LRSAM1: variants seen among roughly 807,000 people sequenced by gnomAD.
LRSAM1 encodes leucine rich repeat and sterile alpha motif containing 1.
A neutral mutation model predicts 118.1 loss-of-function variants in LRSAM1; 96 were observed. That is an observed-to-expected ratio of 0.81 (90% CI 0.69 to 0.96). The LOEUF (loss-of-function observed/expected upper bound fraction) is 0.96, where lower values mean the gene tolerates loss of function less well. LRSAM1 is among the 40% of genes least tolerant of loss of function. LRSAM1 has a pLI of 0.00. For synonymous variants in LRSAM1, 322 were observed against 364.2 expected, an observed-to-expected ratio of 0.88 and a Z score of 1.32; for missense variants, 804 against 915.5, an observed-to-expected ratio of 0.88 and a Z score of 1.57.
rs981736028 is a variant in LRSAM1, at chr9:127,475,305, A to G, written c.750+1374A>G. On this transcript the variant is annotated intron_variant, in intron 11 of 25. Transcript: ENST00000300417. ...CAGGAGTTTGAGACCAGCTTGGCCAACGTAGTAAAACCCTGTCTCTACTGA... is the reference window on the plus strand; with the variant it reads ...CAGGAGTTTGAGACCAGCTTGGCCAGCGTAGTAAAACCCTGTCTCTACTGA... 2.4e-4 allele frequency among the ~76,000 whole-genome samples: 37 copies of G among 152,232 alleles called. 1 individual carries two copies. The highest frequency in any genetic ancestry group is 1.8e-3 in the Admixed American group (28 of 15,268).
chr9:127,464,716 T>C (rs1834868497), intron 9 of LRSAM1, among the ~76,000 whole-genome samples: 1 of 151,616 alleles, frequency 6.6e-6, no homozygotes, highest in Non-Finnish European at 1.5e-5. Flanking sequence ...CAATCATAGC[T>C]CACTGCAGCC....
rs768288133 is a variant in LRSAM1, at chr9:127,496,109, G to A, written c.1830+14G>A. Reference sequence around the variant, plus strand: ...GACCTGGCCAAGGTGGGCAGCAGCCGTCTGCATGGAGGGGAGGGGCACGCA... The same window carrying A: ...GACCTGGCCAAGGTGGGCAGCAGCCATCTGCATGGAGGGGAGGGGCACGCA... On this transcript the variant is annotated intron_variant, in intron 23 of 25. Transcript: ENST00000300417. The A allele has an allele frequency of 2.0e-4, 319 of 1,606,606 alleles. No homozygotes were observed. Among genetic ancestry groups the A allele is most frequent in the Non-Finnish European group, 2.6e-4 (303 of 1,179,962 alleles).
chr9:127,487,305 G>C (rs1187730405), intron 17 of LRSAM1, among the ~76,000 whole-genome samples: 3 of 152,160 alleles, frequency 2.0e-5, no homozygotes, highest in African/African-American at 7.2e-5. Flanking sequence ...GTGCCGGGAA[G>C]GACAGCTTTG....
chr9:127,487,073 A>G (rs900163608), intron 17 of LRSAM1, among the ~76,000 whole-genome samples: 2 of 151,504 alleles, frequency 1.3e-5, no homozygotes, highest in Non-Finnish European at 2.9e-5. Context: ...AATCCCAGCT[A>G]CTTGGGAGAC....
chr9:127,483,021 G>C lies in LRSAM1; in HGVS notation c.1159+1G>C. 1 of 1,605,644 alleles carries C rather than the reference G, an allele frequency of 6.2e-7. No homozygotes were observed. Among genetic ancestry groups the C allele is most frequent in the Non-Finnish European group, 8.5e-7 (1 of 1,176,166 alleles). The stretch of plus-strand genomic sequence containing the variant: ...AGCCTGCGGCGACGTGACGTTGCCT[G>C]TGAGTTTTGGGATGGGGAGCTTGTG... On this transcript the variant is annotated splice_donor_variant, in intron 16 of 25. Transcript: ENST00000300417. LOFTEE classifies it high-confidence loss of function.
At position 127,485,848 on chromosome 9, in the gene LRSAM1, A is replaced by T; in HGVS notation, c.1259+13A>T. ...AGGCCTGTTCCAGGTAAGGTAAGGAAGAGGAGTCCCAGGTGAGGGAGCTGG... is the reference window on the plus strand; with the variant it reads ...AGGCCTGTTCCAGGTAAGGTAAGGATGAGGAGTCCCAGGTGAGGGAGCTGG... On this transcript the variant is annotated intron_variant, in intron 17 of 25. Coordinates refer to ENST00000300417, the MANE Select transcript of LRSAM1 (RefSeq NM_001005373.4). 6.2e-7 allele frequency: 1 copy of T among 1,613,580 alleles called. No individual in the cohort carries two copies. The highest frequency in any genetic ancestry group is 8.5e-7 in the Non-Finnish European group (1 of 1,179,596).
rs1235938569 is a variant in LRSAM1 at position 127,455,619 on chromosome 9, A to C, written c.173A>C (p.Lys58Thr). 1 of 1,613,716 alleles carries C rather than the reference A, an allele frequency of 6.2e-7. No homozygotes were observed. Among genetic ancestry groups the C allele is most frequent in the Admixed American group, 1.7e-5 (1 of 60,016 alleles). ...AFATCKVLQK[K>T]VLIVHTNHLT... The stretch of plus-strand genomic sequence containing the variant: ...GCAACATGCAAAGTTCTGCAGAAGA[A>C]GGTAAGATGGAGCTTCATCTTCAGA... The change falls in exon 5 of 26, where the codon AAG (lysine) becomes ACG (threonine). Residue 58 changes from lysine (K) to threonine (T), a missense_variant and splice_region_variant. By Grantham distance (78) the Lys-to-Thr change is moderately conservative (BLOSUM62 -1). Transcript: ENST00000300417.
At chr9:127,462,463 C>G in intron 9 of LRSAM1, 90 bp downstream of exon 9, 1 of 1,592,952 alleles carries the variant, frequency 6.3e-7, no homozygotes, top group African/African-American at 1.3e-5. Context: ...TCTGATCTCA[C>G]GGTACCAGGG....
At chr9:127,458,834 G>C (rs1299766734) in intron 6 of LRSAM1, among the ~76,000 whole-genome samples, 169 bp from the exon 7 acceptor site, 5 of 152,196 alleles carry the variant, frequency 3.3e-5, no homozygotes, top group African/African-American at 1.2e-4. Flanking sequence ...ATAATGGTTT[G>C]AGAAGGAAAA....
In LRSAM1 at chr9:127,502,777, C is replaced by G. The variant is rs879254056; in HGVS notation, c.2050C>G (p.Gln684Glu). Residue 684 changes from glutamine to glutamate, a missense_variant, in exon 26 of 26, where the codon CAG becomes GAG. Coordinates refer to ENST00000300417, the MANE Select transcript of LRSAM1 (RefSeq NM_001005373.4). ...ECVVCLEREA[Q>E]MIFLNCGHVC... ...TGCTCCCGCTCTCCCTCCCCAGGCC[C>G]AGATGATCTTCCTCAACTGTGGCCA... is the stretch of plus-strand genomic sequence containing the variant. The G allele has an allele frequency of 6.2e-7, 1 of 1,612,958 alleles. No individual in the cohort carries two copies. Among genetic ancestry groups the G allele is most frequent in the East Asian group, 2.2e-5 (1 of 44,874 alleles).
rs1479111536 is a variant in LRSAM1 at position 127,502,890 on chromosome 9, C to T, written c.2163C>T (p.His721=). The change falls in exon 26 of 26, where the codon CAC becomes CAT. Residue 721 remains histidine, a synonymous_variant. Coordinates refer to ENST00000300417, the MANE Select transcript of LRSAM1 (RefSeq NM_001005373.4). ...QDIAQRLRIY[H]SS is the part of the protein sequence containing the mutation. The stretch of plus-strand genomic sequence containing the variant: ...TCGCCCAGCGCCTCCGCATCTACCA[C>T]AGCAGCTGAGTGCTGCCCGCCCACC... 3.7e-6 allele frequency: 6 copies of T among 1,601,396 alleles called. No homozygotes were observed. In the South Asian group the frequency reaches 6.7e-5, roughly 18 times the overall value.
chr9:127,466,269 A>G (rs1588105344), intron 9 of LRSAM1, among the ~76,000 whole-genome samples: 1 of 151,904 alleles, frequency 6.6e-6, no homozygotes, highest in Non-Finnish European at 1.5e-5. Flanking sequence ...AGATCACACC[A>G]CTGCACTCCA....
At chr9:127,466,919 C>A (rs1468183104) in intron 9 of LRSAM1, among the ~76,000 whole-genome samples, 2 of 152,056 alleles carry the variant, frequency 1.3e-5, no homozygotes, top group East Asian at 3.9e-4. Flanking sequence ...GGGAGGATTG[C>A]TTAAACCTGG....
Position 127,454,594 on chromosome 9 carries a change from T to C in LRSAM1, c.67T>C (p.Cys23Arg), listed in dbSNP as rs774936278. ...EARKRLEYQM[C>R]LAKEAGADDI... ...TCGGAAACGCCTGGAGTACCAGATG[T>C]GTTTGGTGAGGGAAAGTGGGTTTCC... Residue 23 changes from cysteine to arginine, a missense_variant, in exon 3 of 26, where the codon TGT becomes CGT. By Grantham distance (180) the Cys-to-Arg change is radical. Transcript: ENST00000300417. 1.2e-6 allele frequency: 2 copies of C among 1,613,846 alleles called. No homozygotes were observed. Among genetic ancestry groups the C allele is most frequent in the Non-Finnish European group, 1.7e-6 (2 of 1,179,930 alleles).
chr9:127,500,718 G>C (rs1836352700), intron 24 of LRSAM1, among the ~76,000 whole-genome samples: 1 of 152,224 alleles, frequency 6.6e-6, no homozygotes, highest in Admixed American at 6.5e-5. Flanking sequence ...CTACTTGCAG[G>C]GTGGCTATGA....
At position 127,496,054 on chromosome 9, in the gene LRSAM1, C is replaced by G; in HGVS notation, c.1789C>G (p.Leu597Val). 1 of 1,612,146 alleles carries G rather than the reference C, an allele frequency of 6.2e-7. No homozygotes were observed. Residue 597 changes from leucine (L) to valine (V), a missense_variant, in exon 23 of 26, where the codon CTG becomes GTG. Transcript: ENST00000300417. ...CATCTTTGCGCACCACCGCCTCTCA[C>G]TGGACCTGCTGAGCCAAATGAGCCC... ...LPIFAHHRLS[L>V]DLLSQMSPGD...
At chr9:127,479,092 C>A in intron 12 of LRSAM1, 129 bp downstream of exon 12, 2 of 1,005,230 alleles carry the variant, frequency 2.0e-6, no homozygotes, top group Non-Finnish European at 2.9e-6. Flanking sequence ...CTTCCTCTTA[C>A]ACGCAGTCTG....
intron 4 of LRSAM1, 141 bp downstream of exon 4, chr9:127,455,195 C>T (rs1834470944): frequency 1.1e-6 from 1 of 922,724 alleles, no homozygotes; most frequent in African/African-American, 1.6e-5. Flanking sequence ...AGATTTTGTT[C>T]TCGTCCAAAA....
chr9:127,454,391 T>C (rs958269450), intron 2 of LRSAM1, 105 bp from the exon 3 acceptor site: 2 of 856,636 alleles, frequency 2.3e-6, no homozygotes, highest in Non-Finnish European at 3.9e-6. Flanking sequence ...ATGGAACTCA[T>C]GGTCCAGCAG....
Sources: allele counts gnomAD v4.1 joint callset (sites outside exome capture counted in the v4.1 genomes callset), GRCh38; gene constraint gnomAD v4.1.1; transcripts MANE v1.5; gene names NCBI Gene and HGNC (gene_info 2026-07-23, HGNC 2026-07-21).